The following CYP20A1 variants were observed in gnomAD, a reference collection of about 807,000 sequenced individuals.
CYP20A1 encodes the protein cytochrome P450 20A1.
In CYP20A1, 61 loss-of-function variants were observed where a neutral mutation model predicts 61.4. That is an observed-to-expected ratio of 0.99 (90% confidence interval 0.81 to 1.23). The LOEUF is 1.23. Among genes scored for constraint, CYP20A1 ranks in the 50% most tolerant of loss-of-function variants. The pLI, the probability that CYP20A1 is intolerant of heterozygous loss-of-function variation, is 0.00. For synonymous variants in CYP20A1, 193 were observed against 188.2 expected (o/e 1.03, Z -0.21); for missense variants, 530 against 542.4 (o/e 0.98, Z 0.23).
intron 3 of CYP20A1, among the ~76,000 whole-genome samples, chr2:203,250,217 A>G (rs1037047501): frequency 1.3e-5 from 2 of 152,236 alleles, no homozygotes; most frequent in Non-Finnish European, 2.9e-5. Context: ...ATGGCTGAAT[A>G]AATGAATACT....
At chr2:203,280,002 C>T in intron 7 of CYP20A1, 57 bp from the exon 8 acceptor site, 1 of 1,162,380 alleles carries the variant, frequency 8.6e-7, no homozygotes. Flanking sequence ...TTTAGCAGGG[C>T]CTAATATAGG....
chr2:203,246,766 TTC>T lies in CYP20A1; in HGVS notation c.135_136del (p.Pro46ArgfsTer5). 6.2e-7 allele frequency: 1 copy of T among 1,613,052 alleles called. No homozygotes were observed. On this transcript the variant is annotated frameshift_variant, in exon 3 of 13. Coordinates refer to ENST00000356079, the MANE Select transcript of CYP20A1 (RefSeq NM_177538.3). LOFTEE classifies it high-confidence loss of function. ...TGCTCTTTTGCCAGAGATGGTAATC[TTC>T]CAGATATTGTGAATAGTGGAAGTTT...
At chr2:203,248,260 G>A (rs1025328815) in intron 3 of CYP20A1, among the ~76,000 whole-genome samples, 37 of 152,042 alleles carry the variant, frequency 2.4e-4, no homozygotes, top group African/African-American at 8.9e-4. Context: ...CTGGCCGGGC[G>A]TGATGGCTCC....
At chr2:203,271,110 C>T (rs1326914723) in intron 5 of CYP20A1, among the ~76,000 whole-genome samples, 5 of 47,190 alleles carry the variant, frequency 1.1e-4, no homozygotes, top group Admixed American at 7.2e-4. Context: ...TTTTTTGAGA[C>T]GGAGTCTGGC....
intron 10 of CYP20A1, among the ~76,000 whole-genome samples, chr2:203,291,345 G>A (rs765416917): frequency 2.6e-5 from 4 of 152,156 alleles, no homozygotes; most frequent in Non-Finnish European, 5.9e-5. Flanking sequence ...CCATGTGTAC[G>A]TTAAATTTAA....
chr2:203,277,354 A>AAG (rs1553517216), intron 6 of CYP20A1, among the ~76,000 whole-genome samples: 2 of 147,728 alleles, frequency 1.4e-5, no homozygotes, highest in Admixed American at 6.8e-5. Flanking sequence ...TCTCAAAAAA[A>AAG]AAAAGAAAAA....
intron 9 of CYP20A1, among the ~76,000 whole-genome samples, chr2:203,286,200 G>A (rs1380691256): frequency 6.6e-6 from 1 of 151,990 alleles, no homozygotes; most frequent in African/African-American, 2.4e-5. Flanking sequence ...TAGGTGGGAG[G>A]ATCACCTCAG....
chr2:203,278,239 A>G (rs1018294075), intron 6 of CYP20A1, among the ~76,000 whole-genome samples: 4 of 152,172 alleles, frequency 2.6e-5, no homozygotes, highest in African/African-American at 9.6e-5. Context: ...ACACCACTAC[A>G]CTGCAGCCTG....
intron 11 of CYP20A1, among the ~76,000 whole-genome samples, chr2:203,292,650 G>A (rs1458626786): frequency 6.6e-6 from 1 of 151,950 alleles, no homozygotes; most frequent in Non-Finnish European, 1.5e-5. Flanking sequence ...GTACAGATGG[G>A]GTTTCACCAT....
At position 203,293,103 on chromosome 2, in the gene CYP20A1, G is replaced by A. The variant is rs572117582; in HGVS notation, c.1148+777G>A. Among the ~76,000 whole-genome samples the A allele has an allele frequency of 8.6e-5, 13 of 151,856 alleles. No homozygotes were observed. In the South Asian group the frequency reaches 2.5e-3, roughly 29 times the overall value. ...GCAGGAGAATCACTTGAACCTGGGA[G>A]GCAGAGGTTGCAGTGAGCCAAGATC... is the stretch of plus-strand genomic sequence containing the variant. On this transcript the variant is annotated intron_variant, in intron 11 of 12. Coordinates refer to ENST00000356079, the MANE Select transcript of CYP20A1 (RefSeq NM_177538.3).
intron 9 of CYP20A1, among the ~76,000 whole-genome samples, chr2:203,286,917 T>C (rs2068295912): frequency 1.3e-5 from 2 of 151,774 alleles, no homozygotes; most frequent in Admixed American, 1.3e-4. Flanking sequence ...TAAAATCAAC[T>C]ATAGAAAAGA....
chr2:203,255,695 T>G (rs1313693085), intron 4 of CYP20A1, among the ~76,000 whole-genome samples: 1 of 152,208 alleles, frequency 6.6e-6, no homozygotes, highest in East Asian at 1.9e-4. Context: ...TTTTTATGAT[T>G]TAGCCTGGCT....
intron 6 of CYP20A1, among the ~76,000 whole-genome samples, chr2:203,275,904 T>C (rs2067801362): frequency 6.6e-6 from 1 of 152,206 alleles, no homozygotes; most frequent in Admixed American, 6.5e-5. Context: ...GACAGTAATC[T>C]AAATAAGTAA....
chr2:203,289,638 G>A (rs934090894), intron 9 of CYP20A1, 127 bp from the exon 10 acceptor site: 5 of 430,334 alleles, frequency 1.2e-5, no homozygotes, highest in African/African-American at 8.1e-5. Flanking sequence ...AAGCAGATAA[G>A]AATTATGATG....
At chr2:203,249,493 G>A (rs1251219378) in intron 3 of CYP20A1, among the ~76,000 whole-genome samples, 1 of 152,090 alleles carries the variant, frequency 6.6e-6, no homozygotes, top group Non-Finnish European at 1.5e-5. Context: ...ATTTAAAAGA[G>A]AAATGGAAAA....
At chr2:203,289,944 A>T in intron 10 of CYP20A1, 68 bp downstream of exon 10, 1 of 608,724 alleles carries the variant, frequency 1.6e-6, no homozygotes, top group South Asian at 3.4e-5. Context: ...GTGTGTGTAT[A>T]TATATATATA....
chr2:203,246,387 A>G (rs2066459740), intron 2 of CYP20A1, among the ~76,000 whole-genome samples: 1 of 152,200 alleles, frequency 6.6e-6, no homozygotes, highest in Non-Finnish European at 1.5e-5. Context: ...GATAGAAGGA[A>G]AGAAGGAAAA....
At chr2:203,291,317 A>C (rs2068523110) in intron 10 of CYP20A1, among the ~76,000 whole-genome samples, 1 of 152,202 alleles carries the variant, frequency 6.6e-6, no homozygotes, top group Non-Finnish European at 1.5e-5. Context: ...GATTATAGGC[A>C]TTAGCCACTG....
intron 9 of CYP20A1, among the ~76,000 whole-genome samples, chr2:203,287,362 G>A (rs141100633): frequency 2.8e-4 from 43 of 151,554 alleles, no homozygotes; most frequent in African/African-American, 1.0e-3. Flanking sequence ...TTATCATACC[G>A]AAGTGTATGA....
Sources: allele counts gnomAD v4.1 joint callset (sites outside exome capture counted in the v4.1 genomes callset), GRCh38; gene constraint gnomAD v4.1.1; transcripts MANE v1.5; gene names NCBI Gene and HGNC (gene_info 2026-07-23, HGNC 2026-07-21).